TMEM131L: variants seen among roughly 807,000 people sequenced by gnomAD.
TMEM131L encodes transmembrane 131 like, also known as transmembrane protein 131-like.
Under a neutral mutation model 192.2 loss-of-function variants are expected in TMEM131L, and 54 were observed. That is an observed-to-expected ratio of 0.28 (90% confidence interval 0.23 to 0.35). The LOEUF (loss-of-function observed/expected upper bound fraction) is 0.35. Ranked by LOEUF, TMEM131L falls within the 10% of genes least tolerant of loss-of-function variation. The pLI is 1.00. For missense variants in TMEM131L, 1,888 were observed against 1,972.9 expected, an observed-to-expected ratio of 0.96 and a Z score of 0.82; for synonymous variants, 701 against 704.9, an observed-to-expected ratio of 0.99 and a Z score of 0.09.
In TMEM131L at chr4:153,494,138, A is replaced by G. The variant is rs547664275; in HGVS notation, c.239+20250A>G. Among the ~76,000 whole-genome samples the G allele has an allele frequency of 8.6e-5, 13 of 152,010 alleles. No individual in the cohort carries two copies. The East Asian group carries it at 9.6e-4, about 11-fold the overall frequency. ...CTGTAAAAGTGGGCCAGTAGTACCT[A>G]TCTCGTAAGGTAAGGATCCCAGGGG... On this transcript the variant is annotated intron_variant, in intron 3 of 34. Transcript: ENST00000409959.
At position 153,593,851 on chromosome 4, in the gene TMEM131L, A is replaced by G; in HGVS notation, c.1975A>G (p.Thr659Ala). 6.2e-7 allele frequency: 1 copy of G among 1,613,252 alleles called. No homozygotes were observed. Among genetic ancestry groups the G allele is most frequent in the South Asian group, 1.1e-5 (1 of 91,056 alleles). Residue 659 changes from threonine to alanine, a missense_variant, in exon 19 of 35, where the codon ACC (threonine) becomes GCC (alanine). Transcript: ENST00000409959. The stretch of plus-strand genomic sequence containing the variant: ...TTTCACAACTGGTGAATTCCAGCTC[A>G]CCGAAGCTTGCCCTTACCTGGTAGG... ...INFTTGEFQL[T>A]EACPYLGTHS...
At chr4:153,553,272 T>G (rs1414397948) in intron 4 of TMEM131L, among the ~76,000 whole-genome samples, 1 of 152,158 alleles carries the variant, frequency 6.6e-6, no homozygotes, top group Non-Finnish European at 1.5e-5. Context: ...AAATATCTCT[T>G]TGTTTGAGCA....
intron 3 of TMEM131L, among the ~76,000 whole-genome samples, chr4:153,514,989 T>C (rs1031144331): frequency 1.3e-5 from 2 of 152,070 alleles, no homozygotes; most frequent in Non-Finnish European, 2.9e-5. Context: ...TTTTGTATTT[T>C]TAGTAGAGAC....
At chr4:153,589,352 A>G (rs955224548) in intron 16 of TMEM131L, among the ~76,000 whole-genome samples, 1 of 152,128 alleles carries the variant, frequency 6.6e-6, no homozygotes, top group Non-Finnish European at 1.5e-5. Flanking sequence ...AGCCATTATT[A>G]AGTCAAATAA....
At chr4:153,634,702 G>T (rs564334878) in intron 33 of TMEM131L, among the ~76,000 whole-genome samples, 1 of 152,292 alleles carries the variant, frequency 6.6e-6, no homozygotes, top group Admixed American at 6.5e-5. Context: ...CTGCCCTTGG[G>T]TGGTGCTGCA....
Position 153,519,065 on chromosome 4 carries a change from G to A in TMEM131L, c.240-31008G>A, listed in dbSNP as rs561335682. Among the ~76,000 whole-genome samples the A allele has an allele frequency of 1.4e-3, 210 of 152,222 alleles. 1 individual carries two copies. The Middle Eastern group carries it at 0.024, about 17-fold the overall frequency. ...CTTTTTCTCCCCACCTTCCTGGGGG[G>A]AAAATTCCACATGTAAAGGATTTGT... On this transcript the variant is annotated intron_variant, in intron 3 of 34. Coordinates refer to ENST00000409959, the MANE Select transcript of TMEM131L (RefSeq NM_001131007.2).
intron 3 of TMEM131L, among the ~76,000 whole-genome samples, chr4:153,487,126 A>G (rs1481644308): frequency 6.6e-6 from 1 of 152,242 alleles, no homozygotes; most frequent in African/African-American, 2.4e-5. Context: ...GCTCTGATGC[A>G]CGCTCAAGTT....
At chr4:153,523,525 G>A (rs1335412723) in intron 3 of TMEM131L, among the ~76,000 whole-genome samples, 1 of 152,074 alleles carries the variant, frequency 6.6e-6, no homozygotes, top group Non-Finnish European at 1.5e-5. Flanking sequence ...GGTAAGACTT[G>A]GTAAAAAGAA....
chr4:153,500,894 C>A (rs1561135611), intron 3 of TMEM131L, among the ~76,000 whole-genome samples: 1 of 152,074 alleles, frequency 6.6e-6, no homozygotes, highest in African/African-American at 2.4e-5. Flanking sequence ...TCTCCTCTTT[C>A]TCCAGAGACG....
At chr4:153,504,194 T>A (rs1733810663) in intron 3 of TMEM131L, among the ~76,000 whole-genome samples, 1 of 150,288 alleles carries the variant, frequency 6.7e-6, no homozygotes, top group East Asian at 2.0e-4. Flanking sequence ...GTTCTCGATC[T>A]CCTGACCTTG....
At chr4:153,598,522 A>T in intron 20 of TMEM131L, 68 bp from the exon 21 acceptor site, 1 of 1,309,494 alleles carries the variant, frequency 7.6e-7, no homozygotes, top group Non-Finnish European at 1.1e-6. Context: ...GGGAATATTT[A>T]AATTTAAGTA....
intron 3 of TMEM131L, among the ~76,000 whole-genome samples, chr4:153,540,472 T>C (rs991277054): frequency 3.9e-5 from 6 of 152,216 alleles, no homozygotes; most frequent in Non-Finnish European, 8.8e-5. Context: ...CTTAAAGTAC[T>C]GTGGACTGTG....
intron 26 of TMEM131L, among the ~76,000 whole-genome samples, chr4:153,612,776 A>G (rs191919218): frequency 3.9e-5 from 6 of 152,176 alleles, no homozygotes; most frequent in African/African-American, 9.6e-5. Flanking sequence ...CCTCATATCT[A>G]TTATCGTCTT....
At chr4:153,577,953 A>G (rs535977685) in intron 7 of TMEM131L, among the ~76,000 whole-genome samples, 1 of 152,302 alleles carries the variant, frequency 6.6e-6, no homozygotes, top group East Asian at 1.9e-4. Flanking sequence ...GGGAGGGTTC[A>G]GCATGCCAAC....
chr4:153,498,419 T>A (rs13149756), intron 3 of TMEM131L, among the ~76,000 whole-genome samples: 48,877 of 152,148 alleles, frequency 0.32, 9,729 homozygotes, highest in Middle Eastern at 0.45. Context: ...TAATTTGACA[T>A]CCTGGAACAT....
intron 31 of TMEM131L, among the ~76,000 whole-genome samples, chr4:153,629,482 C>T (rs2083289): frequency 0.059 from 8,963 of 152,242 alleles, 868 homozygotes; most frequent in African/African-American, 0.2. Context: ...TATAATACTT[C>T]CCGTCATTAA....
At chr4:153,485,370 A>C (rs1359528735) in intron 3 of TMEM131L, among the ~76,000 whole-genome samples, 1 of 152,092 alleles carries the variant, frequency 6.6e-6, no homozygotes, top group Non-Finnish European at 1.5e-5. Context: ...ATGGCTCCGA[A>C]TGATACATGC....
chr4:153,585,244 T>C (rs369860051), intron 12 of TMEM131L, among the ~76,000 whole-genome samples: 139 of 152,374 alleles, frequency 9.1e-4, no homozygotes, highest in African/African-American at 3.3e-3. Flanking sequence ...CTGTGAGCTG[T>C]GCTGGCCGCA....
intron 7 of TMEM131L, among the ~76,000 whole-genome samples, chr4:153,560,810 C>T (rs1455314537): frequency 1.3e-5 from 2 of 152,226 alleles, no homozygotes; most frequent in East Asian, 1.9e-4. Context: ...TGGACATTTG[C>T]GTTGTTTCTA....
Sources: allele counts gnomAD v4.1 joint callset (sites outside exome capture counted in the v4.1 genomes callset), GRCh38; gene constraint gnomAD v4.1.1; transcripts MANE v1.5; gene names NCBI Gene and HGNC (gene_info 2026-07-23, HGNC 2026-07-21).